CAPZB: variants seen among roughly 807,000 people sequenced by gnomAD.
CAPZB encodes capping actin protein of muscle Z-line subunit beta.
CAPZB carries 2 observed loss-of-function variants against 38.1 expected under a neutral mutation model. That is an observed-to-expected ratio of 0.05 (90% CI 0.02 to 0.17). CAPZB has a LOEUF of 0.17. CAPZB is among the 10% of genes least tolerant of loss of function. The pLI, the probability that CAPZB is intolerant of heterozygous loss-of-function variation, is 1.00. For missense variants in CAPZB, 161 were observed against 334.2 expected (o/e 0.48, Z 4.04); for synonymous variants, 107 against 127.4 (o/e 0.84, Z 1.08).
At chr1:19,467,242 G>C (rs939873954) in intron 1 of CAPZB, among the ~76,000 whole-genome samples, 1 of 152,160 alleles carries the variant, frequency 6.6e-6, no homozygotes, top group South Asian at 2.1e-4. Context: ...AATAATAAAA[G>C]TAGCATACAA....
At chr1:19,418,136 C>CAAAAAAA (rs59390448) in intron 2 of CAPZB, among the ~76,000 whole-genome samples, 3 of 35,328 alleles carry the variant, frequency 8.5e-5, no homozygotes, top group African/African-American at 3.1e-4. Context: ...ACTCTGTCAC[C>CAAAAAAA]AAAAAAAAAA....
At chr1:19,386,553 C>T (rs1458893502) in intron 2 of CAPZB, among the ~76,000 whole-genome samples, 1 of 152,170 alleles carries the variant, frequency 6.6e-6, no homozygotes, top group Non-Finnish European at 1.5e-5. Flanking sequence ...GGAAAAATTC[C>T]ATCGTATGGC....
At chr1:19,341,766 C>T (rs1055404491) in intron 8 of CAPZB, among the ~76,000 whole-genome samples, 1 of 152,202 alleles carries the variant, frequency 6.6e-6, no homozygotes, top group African/African-American at 2.4e-5. Flanking sequence ...TGACCCGAGT[C>T]GTGGGCCTTA....
intron 2 of CAPZB, among the ~76,000 whole-genome samples, chr1:19,404,096 A>C: frequency 6.6e-6 from 1 of 151,784 alleles, no homozygotes; most frequent in East Asian, 1.9e-4. Context: ...AGCTGGCTAT[A>C]GTGGTACACA....
intron 2 of CAPZB, among the ~76,000 whole-genome samples, chr1:19,394,589 C>T (rs1219953893): frequency 6.6e-6 from 1 of 152,144 alleles, no homozygotes; most frequent in African/African-American, 2.4e-5. Context: ...GGCGTGGTGG[C>T]GCAGGCCTGT....
At chr1:19,396,380 C>A (rs1192796010) in intron 2 of CAPZB, among the ~76,000 whole-genome samples, 1 of 152,208 alleles carries the variant, frequency 6.6e-6, no homozygotes, top group Non-Finnish European at 1.5e-5. Flanking sequence ...AGGGACTATT[C>A]TTCGGTGAGT....
intron 2 of CAPZB, among the ~76,000 whole-genome samples, chr1:19,415,993 A>T (rs2094377241): frequency 6.6e-6 from 1 of 152,156 alleles, no homozygotes; most frequent in East Asian, 1.9e-4. Context: ...ATGGGAATCC[A>T]CTCTGGCCTC....
chr1:19,353,111 C>T (rs1011748047), intron 6 of CAPZB, among the ~76,000 whole-genome samples: 7 of 152,216 alleles, frequency 4.6e-5, no homozygotes, highest in Non-Finnish European at 7.3e-5. Context: ...CCGCTGCTGC[C>T]GGGGTGAGGC....
At chr1:19,453,369 C>T (rs1480062186) in intron 1 of CAPZB, among the ~76,000 whole-genome samples, 1 of 152,202 alleles carries the variant, frequency 6.6e-6, no homozygotes, top group Non-Finnish European at 1.5e-5. Flanking sequence ...TCAAGCAGTT[C>T]TCCCACCTCA....
At chr1:19,445,475 T>C (rs1404479614) in intron 1 of CAPZB, among the ~76,000 whole-genome samples, 1 of 152,186 alleles carries the variant, frequency 6.6e-6, no homozygotes, top group East Asian at 1.9e-4. Flanking sequence ...ATAGGCTCTC[T>C]GTAGGAAATT....
At chr1:19,359,210 CTTTTTTTTTT>C (rs57251931) in intron 4 of CAPZB, among the ~76,000 whole-genome samples, 1 of 114,412 alleles carries the variant, frequency 8.7e-6, no homozygotes, top group Non-Finnish European at 1.7e-5. Context: ...TCTCTGTACT[CTTTTTTTTTT>C]TTTTTTTTTT....
At position 19,379,898 on chromosome 1, in the gene CAPZB, C is replaced by T. The variant is rs184387522; in HGVS notation, c.216-1245G>A. ...GACAACATGGAATTCAGAAAAAGTC[C>T]TTCACACTCTTGGTCTAAACGCCTC... On this transcript the variant is annotated intron_variant, in intron 3 of 8. Transcript: ENST00000264202. Among the ~76,000 whole-genome samples, 144 of 152,240 alleles carry T rather than the reference C, an allele frequency of 9.5e-4. 1 individual carries two copies. The highest frequency in any genetic ancestry group is 7.9e-4 in the Non-Finnish European group (54 of 68,022).
intron 1 of CAPZB, among the ~76,000 whole-genome samples, chr1:19,464,425 G>C (rs1457872096): frequency 6.6e-6 from 1 of 151,290 alleles, no homozygotes; most frequent in Non-Finnish European, 1.5e-5. Context: ...CCGAGTAGCT[G>C]GGACTACAGG....
At chr1:19,360,842 G>A (rs1322101744) in intron 4 of CAPZB, among the ~76,000 whole-genome samples, 1 of 152,120 alleles carries the variant, frequency 6.6e-6, no homozygotes, top group Non-Finnish European at 1.5e-5. Flanking sequence ...AAAAATGCAA[G>A]CTCAATTGTC....
chr1:19,401,423 C>T (rs939258536), intron 2 of CAPZB, among the ~76,000 whole-genome samples: 3 of 152,258 alleles, frequency 2.0e-5, no homozygotes, highest in South Asian at 2.1e-4. Context: ...CCTTGGTCTC[C>T]GGAATGGAAA....
chr1:19,462,657 C>T (rs937429944), intron 1 of CAPZB, among the ~76,000 whole-genome samples: 11 of 152,094 alleles, frequency 7.2e-5, no homozygotes, highest in African/African-American at 2.4e-4. Context: ...AACATATTCA[C>T]CTATTCACCT....
At chr1:19,452,550 C>T (rs1337476100) in intron 1 of CAPZB, among the ~76,000 whole-genome samples, 2 of 152,196 alleles carry the variant, frequency 1.3e-5, no homozygotes, top group African/African-American at 2.4e-5. Context: ...TCCACTGCCA[C>T]GTACACACCC....
At position 19,484,213 on chromosome 1, in the gene CAPZB, C is replaced by T. The variant is rs748580069; in HGVS notation, c.3+1223G>A. Reference sequence around the variant, plus strand: ...ACCTGATCCGAGGGACTTCCATAATCAGCAGTTCCAACCCTTGCAAGCTGA... The same window carrying T: ...ACCTGATCCGAGGGACTTCCATAATTAGCAGTTCCAACCCTTGCAAGCTGA... On this transcript the variant is annotated intron_variant, in intron 1 of 8. Coordinates refer to ENST00000264202, the MANE Select transcript of CAPZB (RefSeq NM_004930.5). 2.0e-5 allele frequency: 32 copies of T among 1,612,414 alleles called. 1 individual carries two copies. Among genetic ancestry groups the T allele is most frequent in the Non-Finnish European group, 2.7e-5 (32 of 1,179,728 alleles).
intron 1 of CAPZB, among the ~76,000 whole-genome samples, chr1:19,450,288 T>C (rs1176390431): frequency 6.6e-6 from 1 of 152,172 alleles, no homozygotes; most frequent in Admixed American, 6.5e-5. Flanking sequence ...TTTTGGATTT[T>C]GAATTTTTTC....
Sources: gnomAD v4.1 joint callset for allele counts (sites outside exome capture counted in the v4.1 genomes callset) on GRCh38, gnomAD v4.1.1 for gene constraint, MANE v1.5 for transcripts, NCBI Gene and HGNC (gene_info 2026-07-23, HGNC 2026-07-21) for gene names.